Variants in LRRC4C observed in about 807,000 individuals in gnomAD.
LRRC4C encodes leucine-rich repeat-containing protein 4C.
A neutral mutation model predicts 33.6 loss-of-function variants in LRRC4C; 5 were observed. The observed-to-expected ratio is 0.15, with a 90% CI of 0.08 to 0.31. The LOEUF is 0.31. LRRC4C is among the 10% of genes least tolerant of loss of function. The probability of loss-of-function intolerance (pLI) is 1.00; values close to 1 mark genes in which losing one functional copy is unlikely to be tolerated. For synonymous variants in LRRC4C, 329 were observed against 302.0 expected, an observed-to-expected ratio of 1.09 and a Z score of -0.93; for missense variants, 560 against 796.7, an observed-to-expected ratio of 0.70 and a Z score of 3.58.
chr11:41,242,264 G>A (rs1948281911), intron 1 of LRRC4C, among the ~76,000 whole-genome samples: 1 of 151,912 alleles, frequency 6.6e-6, no homozygotes, highest in Non-Finnish European at 1.5e-5. Flanking sequence ...ATTATCTCCA[G>A]GGGACAACCA....
intron 3 of LRRC4C, among the ~76,000 whole-genome samples, chr11:40,356,027 A>C (rs1947652875): frequency 6.8e-6 from 1 of 147,410 alleles, no homozygotes; most frequent in Non-Finnish European, 1.5e-5. Flanking sequence ...GAGAAGTCAG[A>C]CTCAATGGGT....
chr11:40,838,041 G>T (rs1475803756), intron 2 of LRRC4C, among the ~76,000 whole-genome samples: 1 of 152,008 alleles, frequency 6.6e-6, no homozygotes, highest in African/African-American at 2.4e-5. Flanking sequence ...CCAAACATTG[G>T]CTGCTTTTAG....
At chr11:41,021,784 C>T (rs2137682377) in intron 1 of LRRC4C, among the ~76,000 whole-genome samples, 1 of 152,054 alleles carries the variant, frequency 6.6e-6, no homozygotes, top group Non-Finnish European at 1.5e-5. Context: ...TATTCTTTTA[C>T]AAAACATCCC....
At chr11:41,335,784 A>C (rs997282236) in intron 1 of LRRC4C, among the ~76,000 whole-genome samples, 2 of 152,136 alleles carry the variant, frequency 1.3e-5, no homozygotes, top group Non-Finnish European at 2.9e-5. Context: ...CCGTTCTCCC[A>C]TTGATCTTTG....
intron 2 of LRRC4C, among the ~76,000 whole-genome samples, chr11:40,875,676 A>G (rs1954849174): frequency 6.6e-6 from 1 of 152,142 alleles, no homozygotes; most frequent in Admixed American, 6.5e-5. Context: ...AATCGCACAT[A>G]TTTAATCCCT....
intron 3 of LRRC4C, among the ~76,000 whole-genome samples, chr11:40,545,356 T>G (rs1291146185): frequency 6.6e-6 from 1 of 152,052 alleles, no homozygotes; most frequent in Non-Finnish European, 1.5e-5. Flanking sequence ...AAGCAACTCT[T>G]CTTCCATTAC....
At chr11:41,200,149 C>T (rs1037333392) in intron 1 of LRRC4C, among the ~76,000 whole-genome samples, 17 of 152,048 alleles carry the variant, frequency 1.1e-4, no homozygotes, top group African/African-American at 3.4e-4. Context: ...ATGTATGCTT[C>T]ACCAGTTACA....
chr11:40,966,994 T>G (rs1284724009), intron 1 of LRRC4C, among the ~76,000 whole-genome samples: 2 of 152,022 alleles, frequency 1.3e-5, no homozygotes, highest in East Asian at 3.9e-4. Context: ...ACAAATTCAG[T>G]AGAGATATCA....
In LRRC4C at chr11:41,240,764, C is replaced by T. The variant is rs748938039; in HGVS notation, c.-496+218667G>A. Among the ~76,000 whole-genome samples, 9 of 152,052 alleles carry T rather than the reference C, an allele frequency of 5.9e-5. No homozygotes were observed. In the South Asian group the frequency reaches 8.3e-4, roughly 14 times the overall value. ...AAGGATAAGGAATTAGTAGGATATG[C>T]GTGGTGTGATTGTTGCAGAGAAGCA... is the stretch of plus-strand genomic sequence containing the variant. On this transcript the variant is annotated intron_variant, in intron 1 of 6. Transcript: ENST00000528697.
intron 4 of LRRC4C, among the ~76,000 whole-genome samples, chr11:40,311,374 C>T (rs1945296267): frequency 6.6e-6 from 1 of 152,140 alleles, no homozygotes; most frequent in Non-Finnish European, 1.5e-5. Context: ...AACCCTAGTG[C>T]CTAATTTTGT....
chr11:40,851,151 G>T (rs907943412), intron 2 of LRRC4C, among the ~76,000 whole-genome samples: 1 of 151,956 alleles, frequency 6.6e-6, no homozygotes, highest in Non-Finnish European at 1.5e-5. Context: ...CTGTCTTGCT[G>T]GCTTTCCAGG....
chr11:40,393,067 T>C (rs1949399191), intron 3 of LRRC4C, among the ~76,000 whole-genome samples: 1 of 151,898 alleles, frequency 6.6e-6, no homozygotes, highest in Admixed American at 6.6e-5. Context: ...TCAGAGAGAA[T>C]GCAATCTTAC....
At chr11:41,090,779 C>T (rs1453279565) in intron 1 of LRRC4C, among the ~76,000 whole-genome samples, 3 of 152,074 alleles carry the variant, frequency 2.0e-5, no homozygotes, top group African/African-American at 7.2e-5. Flanking sequence ...TTTTATAAGG[C>T]AGTTATCCCT....
intron 3 of LRRC4C, among the ~76,000 whole-genome samples, chr11:40,385,887 TAAATA>T (rs1555041332): frequency 2.0e-5 from 3 of 147,946 alleles, no homozygotes; most frequent in East Asian, 2.0e-4. Context: ...AATAAATAAA[TAAATA>T]AAATAAAATA....
chr11:40,987,539 A>C (rs2137184845), intron 1 of LRRC4C, among the ~76,000 whole-genome samples: 1 of 150,692 alleles, frequency 6.6e-6, no homozygotes, highest in African/African-American at 2.4e-5. Flanking sequence ...GGGTTTCCAA[A>C]TTGAATCTAG....
At chr11:41,257,965 C>A (rs373164395) in intron 1 of LRRC4C, among the ~76,000 whole-genome samples, 1 of 151,650 alleles carries the variant, frequency 6.6e-6, no homozygotes, top group African/African-American at 2.4e-5. Flanking sequence ...GGTGTGTTTG[C>A]GTGCTTAAAT....
chr11:41,163,284 G>GTTTTTTTTTTTT lies in LRRC4C; in HGVS notation c.-495-229573_-495-229562dup, dbSNP rs71466923. Among the ~76,000 whole-genome samples, 538 of 73,358 alleles carry GTTTTTTTTTTTT rather than the reference G, an allele frequency of 7.3e-3. 202 individuals are homozygous for GTTTTTTTTTTTT. The highest frequency in any genetic ancestry group is 9.5e-3 in the Non-Finnish European group (386 of 40,806). The allele number at this position is 73,358 out of a possible 152,430, so 48.1% of individuals were successfully genotyped here. Reference sequence around the variant, plus strand: ...GTAATAAACTTAGTTTACTGTAACTGTTTTTTTTTTTTTTTTTCAAACAGG... The same window carrying GTTTTTTTTTTTT: ...GTAATAAACTTAGTTTACTGTAACTGTTTTTTTTTTTTTTTTTTTTTTTTTTTTTCAAACAGG... On this transcript the variant is annotated intron_variant, in intron 1 of 6. Transcript: ENST00000528697.
chr11:41,430,345 C>T (rs1955189647), intron 1 of LRRC4C, among the ~76,000 whole-genome samples: 1 of 152,092 alleles, frequency 6.6e-6, no homozygotes, highest in Admixed American at 6.6e-5. Context: ...TACTATGCTT[C>T]TCCTTAGGTT....
At chr11:40,381,005 G>A (rs1339961403) in intron 3 of LRRC4C, among the ~76,000 whole-genome samples, 3 of 152,036 alleles carry the variant, frequency 2.0e-5, no homozygotes, top group East Asian at 1.9e-4. Flanking sequence ...ATATTACAGC[G>A]GACTGGATAT....
Sources: gnomAD v4.1 joint callset for allele counts (sites outside exome capture counted in the v4.1 genomes callset) on GRCh38, gnomAD v4.1.1 for gene constraint, MANE v1.5 for transcripts, NCBI Gene and HGNC (gene_info 2026-07-23, HGNC 2026-07-21) for gene names.